DPY19L2: variants seen among roughly 807,000 people sequenced by gnomAD.
DPY19L2 encodes dpy-19 like 2.
Under a neutral mutation model 97.9 loss-of-function variants are expected in DPY19L2, and 34 were observed. The observed-to-expected ratio is 0.35, with a 90% confidence interval of 0.26 to 0.46. DPY19L2 has a LOEUF of 0.46. Ranked by LOEUF, DPY19L2 falls within the 20% of genes least tolerant of loss-of-function variation. The pLI is 1.00. For synonymous variants in DPY19L2, 230 were observed against 307.9 expected (o/e 0.75, Z 2.65); for missense variants, 623 against 911.4 (o/e 0.68, Z 4.07).
At chr12:63,567,775 T>C (rs1169860495) in intron 21 of DPY19L2, among the ~76,000 whole-genome samples, 1 of 152,106 alleles carries the variant, frequency 6.6e-6, no homozygotes, top group Non-Finnish European at 1.5e-5. Context: ...AAAGATAGTT[T>C]CATTAAATAG....
rs1037229972 is a variant in DPY19L2 at position 63,628,737 on chromosome 12, G to A, written c.804-2211C>T. On this transcript the variant is annotated intron_variant, in intron 6 of 21. Coordinates refer to ENST00000324472, the MANE Select transcript of DPY19L2 (RefSeq NM_173812.5). ...AGACTAGTGGTTCTCCCAGCACGCA[G>A]CTGGAGATCTAACAACAGACAGGCT... 4.7e-4 allele frequency among the ~76,000 whole-genome samples: 71 copies of A among 151,448 alleles called. 1 individual carries two copies. The highest frequency in any genetic ancestry group is 1.7e-3 in the African/African-American group (69 of 40,980).
In DPY19L2 at chr12:63,582,418, T is replaced by C; in HGVS notation, c.1713A>G (p.Ile571Met). Residue 571 changes from isoleucine to methionine, a missense_variant, in exon 18 of 22, where the codon ATA (isoleucine) becomes ATG (methionine). Ile to Met is a conservative substitution (Grantham distance 10). Coordinates refer to ENST00000324472, the MANE Select transcript of DPY19L2 (RefSeq NM_173812.5). ...TPHMCVMASL[I>M]CSRQLFGWLF... ...ATGAATCCCTTACCTGTCGAGAGCATATCAAGGAAGCCATAACACACATGT... is the reference window on the plus strand; with the variant it reads ...ATGAATCCCTTACCTGTCGAGAGCACATCAAGGAAGCCATAACACACATGT... 1.2e-6 allele frequency: 2 copies of C among 1,612,882 alleles called. No homozygotes were observed. The highest frequency in any genetic ancestry group is 8.5e-7 in the Non-Finnish European group (1 of 1,179,394).
intron 21 of DPY19L2, among the ~76,000 whole-genome samples, chr12:63,562,633 C>T (rs1376649818): frequency 6.6e-6 from 1 of 152,042 alleles, no homozygotes. Flanking sequence ...TATGAGAGTT[C>T]TAAATCCTCC....
intron 4 of DPY19L2, among the ~76,000 whole-genome samples, chr12:63,657,417 T>C (rs185119030): frequency 1.3e-5 from 2 of 152,162 alleles, no homozygotes; most frequent in African/African-American, 2.4e-5. Flanking sequence ...GGCTTGTTAA[T>C]GTAATGGGGG....
chr12:63,635,206 C>T (rs1441936416), intron 6 of DPY19L2, among the ~76,000 whole-genome samples: 4 of 152,166 alleles, frequency 2.6e-5, no homozygotes, highest in African/African-American at 9.7e-5. Flanking sequence ...TCCAACAGAC[C>T]TGCAGCTGAG....
chr12:63,642,034 T>C (rs1168056283), intron 6 of DPY19L2, among the ~76,000 whole-genome samples: 1 of 152,152 alleles, frequency 6.6e-6, no homozygotes, highest in East Asian at 1.9e-4. Flanking sequence ...CATATGTTTA[T>C]TGACCATTTG....
chr12:63,575,135 G>GA (rs61213429), intron 19 of DPY19L2, among the ~76,000 whole-genome samples: 8 of 150,914 alleles, frequency 5.3e-5, no homozygotes, highest in African/African-American at 1.7e-4. Context: ...GACCACAATG[G>GA]AAAAAAAAAC....
At chr12:63,658,696 TTG>T (rs1222208301) in intron 4 of DPY19L2, among the ~76,000 whole-genome samples, 2 of 152,204 alleles carry the variant, frequency 1.3e-5, no homozygotes, top group African/African-American at 4.8e-5. Context: ...GTGATGTGAC[TTG>T]TCCTCTTCTC....
upstream of DPY19L2, chr12:63,668,633 C>T (rs546247080): frequency 1.4e-4 from 74 of 528,878 alleles, 1 homozygote; most frequent in South Asian, 1.6e-3. Context: ...AGCACCCCCG[C>T]CTCTGCGCTT....
chr12:63,611,054 T>C (rs1886937336), intron 11 of DPY19L2, among the ~76,000 whole-genome samples: 1 of 151,736 alleles, frequency 6.6e-6, no homozygotes, highest in African/African-American at 2.4e-5. Context: ...AGGATGGCCA[T>C]TATAAAACAA....
intron 21 of DPY19L2, among the ~76,000 whole-genome samples, chr12:63,564,792 T>C (rs1201232735): frequency 6.6e-6 from 1 of 152,188 alleles, no homozygotes; most frequent in Admixed American, 6.5e-5. Flanking sequence ...AATTTCTTTT[T>C]ATTTGTTCTA....
At chr12:63,624,522 C>T (rs1473772324) in intron 7 of DPY19L2, among the ~76,000 whole-genome samples, 1 of 152,068 alleles carries the variant, frequency 6.6e-6, no homozygotes, top group Admixed American at 6.6e-5. Context: ...AATAGCTAAA[C>T]AAATGTCACC....
At chr12:63,561,892 A>G (rs552682378) in intron 21 of DPY19L2, among the ~76,000 whole-genome samples, 2 of 152,230 alleles carry the variant, frequency 1.3e-5, no homozygotes, top group East Asian at 1.9e-4. Context: ...TAGATGCGCC[A>G]TTTTCCATTT....
chr12:63,629,588 G>C (rs1434874873), intron 6 of DPY19L2, among the ~76,000 whole-genome samples: 1 of 152,176 alleles, frequency 6.6e-6, no homozygotes, highest in Admixed American at 6.5e-5. Context: ...GTCTACGTCT[G>C]ATTGGTGTAC....
intron 6 of DPY19L2, among the ~76,000 whole-genome samples, chr12:63,634,317 G>A (rs117460012): frequency 0.03 from 4,495 of 152,202 alleles, 107 homozygotes; most frequent in Middle Eastern, 0.082. Context: ...AGATATGAAA[G>A]GATGGAGAGA....
chr12:63,659,623 G>C (rs1241091568), intron 4 of DPY19L2, among the ~76,000 whole-genome samples: 3 of 152,076 alleles, frequency 2.0e-5, no homozygotes, highest in Admixed American at 6.5e-5. Context: ...CATAATTATA[G>C]ATCAAGAGAA....
At chr12:63,621,717 T>C (rs1888720100) in intron 8 of DPY19L2, among the ~76,000 whole-genome samples, 1 of 152,162 alleles carries the variant, frequency 6.6e-6, no homozygotes, top group Admixed American at 6.5e-5. Flanking sequence ...AACTTTTATA[T>C]GCCACAACTT....
chr12:63,579,000 G>A (rs138540274), intron 19 of DPY19L2, among the ~76,000 whole-genome samples: 71 of 152,066 alleles, frequency 4.7e-4, no homozygotes, highest in African/African-American at 1.7e-3. Context: ...CAGGGCCAGG[G>A]TCTTCCAAAA....
At chr12:63,668,603 AC>A (rs1896617713), upstream of DPY19L2, 1 of 576,136 alleles carries the variant, frequency 1.7e-6, no homozygotes, top group African/African-American at 1.9e-5. Context: ...GTGTCCCCTC[AC>A]GTGCTCCCCA....
Sources: gnomAD v4.1 joint callset for allele counts (sites outside exome capture counted in the v4.1 genomes callset) on GRCh38, gnomAD v4.1.1 for gene constraint, MANE v1.5 for transcripts, NCBI Gene and HGNC (gene_info 2026-07-23, HGNC 2026-07-21) for gene names.